The following RAD51B variants were observed in gnomAD, a reference collection of about 807,000 sequenced individuals.
RAD51B encodes the protein RAD51 paralog B.
Under a neutral mutation model 42.2 loss-of-function variants are expected in RAD51B, and 38 were observed. That is an observed-to-expected ratio of 0.90 (90% CI 0.70 to 1.18). RAD51B has a LOEUF of 1.18. Ranked by LOEUF, RAD51B falls within the 50% of genes most tolerant of loss-of-function variation. The pLI, the probability that RAD51B is intolerant of heterozygous loss-of-function variation, is 0.00. For missense variants in RAD51B, 373 were observed against 400.7 expected, an observed-to-expected ratio of 0.93 and a Z score of 0.59; for synonymous variants, 154 against 145.2, an observed-to-expected ratio of 1.06 and a Z score of -0.43.
intron 7 of RAD51B, among the ~76,000 whole-genome samples, chr14:68,037,352 C>T (rs1369736793): frequency 6.6e-6 from 1 of 150,952 alleles, no homozygotes; most frequent in Non-Finnish European, 1.5e-5. Context: ...TCCCGAGTAG[C>T]TGGGATTACA....
intron 8 of RAD51B, among the ~76,000 whole-genome samples, chr14:68,362,793 G>A (rs1015660798): frequency 2.0e-5 from 3 of 151,946 alleles, no homozygotes; most frequent in African/African-American, 7.3e-5. Flanking sequence ...AGGTTGCAGT[G>A]AGCTGAGATT....
intron 11 of RAD51B, among the ~76,000 whole-genome samples, chr14:68,655,130 AGTGTGTGTGT>A (rs3077341): frequency 2.7e-5 from 4 of 150,258 alleles, no homozygotes; most frequent in Non-Finnish European, 5.9e-5. Flanking sequence ...GCAAATGGTG[AGTGTGTGTGT>A]GTGTGTGTGT....
chr14:68,255,977 A>G (rs1046077922), intron 7 of RAD51B, among the ~76,000 whole-genome samples: 5 of 152,214 alleles, frequency 3.3e-5, no homozygotes, highest in African/African-American at 9.7e-5. Flanking sequence ...AAGTTTGCCA[A>G]TCAGATTGCT....
At chr14:67,988,837 A>G (rs993173585) in intron 7 of RAD51B, among the ~76,000 whole-genome samples, 1 of 152,218 alleles carries the variant, frequency 6.6e-6, no homozygotes, top group African/African-American at 2.4e-5. Flanking sequence ...CACTTAGACT[A>G]TTATAATGTG....
intron 5 of RAD51B, among the ~76,000 whole-genome samples, chr14:67,881,369 T>A (rs1451466864): frequency 6.6e-6 from 1 of 152,228 alleles, no homozygotes; most frequent in Admixed American, 6.5e-5. Flanking sequence ...GTGTGGGCAC[T>A]AGGAAGTGTT....
intron 10 of RAD51B, among the ~76,000 whole-genome samples, chr14:68,512,649 G>A (rs1885811727): frequency 6.6e-6 from 1 of 152,044 alleles, no homozygotes; most frequent in Admixed American, 6.6e-5. Context: ...CAAATATTCA[G>A]TGAGCACCCA....
At chr14:68,180,445 A>C (rs1412857993) in intron 7 of RAD51B, among the ~76,000 whole-genome samples, 1 of 152,190 alleles carries the variant, frequency 6.6e-6, no homozygotes, top group African/African-American at 2.4e-5. Context: ...CTTTTTAAGA[A>C]AAGTAGTTGA....
intron 7 of RAD51B, among the ~76,000 whole-genome samples, chr14:68,030,321 A>C (rs929225638): frequency 6.6e-6 from 1 of 152,236 alleles, no homozygotes; most frequent in Non-Finnish European, 1.5e-5. Context: ...TTTTGTTTGC[A>C]TGAAAACTCT....
chr14:67,865,179 T>C, intron 5 of RAD51B, 40 bp downstream of exon 5: 1 of 1,541,544 alleles, frequency 6.5e-7, no homozygotes, highest in Admixed American at 1.8e-5. Flanking sequence ...TTTACTTTTG[T>C]AACTTATATA....
chr14:68,537,590 G>T (rs1400470445), intron 10 of RAD51B, among the ~76,000 whole-genome samples: 2 of 152,026 alleles, frequency 1.3e-5, no homozygotes, highest in Non-Finnish European at 1.5e-5. Flanking sequence ...AGATCAGTGT[G>T]ATAGGAGACC....
intron 7 of RAD51B, among the ~76,000 whole-genome samples, chr14:68,004,355 A>G (rs2075544109): frequency 6.7e-6 from 1 of 149,564 alleles, no homozygotes; most frequent in Non-Finnish European, 1.5e-5. Context: ...AAAAAAAAAA[A>G]GAATATATTG....
chr14:68,196,277 G>T (rs1404327410), intron 7 of RAD51B, among the ~76,000 whole-genome samples: 1 of 152,022 alleles, frequency 6.6e-6, no homozygotes, highest in African/African-American at 2.4e-5. Context: ...TTAATGATGT[G>T]AAATTTACTG....
intron 7 of RAD51B, among the ~76,000 whole-genome samples, chr14:67,920,085 G>A (rs114832333): frequency 0.025 from 3,827 of 152,066 alleles, 105 homozygotes; most frequent in African/African-American, 0.067. Context: ...TATGTATGGT[G>A]CTATCATGTT....
intron 7 of RAD51B, among the ~76,000 whole-genome samples, chr14:67,893,822 A>G (rs1433179013): frequency 6.6e-6 from 1 of 152,148 alleles, no homozygotes; most frequent in Non-Finnish European, 1.5e-5. Context: ...GTTCTCTTCT[A>G]TTTAGTCATC....
intron 8 of RAD51B, among the ~76,000 whole-genome samples, chr14:68,315,634 G>T (rs2082042970): frequency 6.6e-6 from 1 of 151,988 alleles, no homozygotes; most frequent in Non-Finnish European, 1.5e-5. Flanking sequence ...CCATTCTCCT[G>T]CCTCAGCCTC....
At chr14:68,060,916 A>G (rs939156551) in intron 7 of RAD51B, among the ~76,000 whole-genome samples, 10 of 152,040 alleles carry the variant, frequency 6.6e-5, no homozygotes, top group African/African-American at 1.2e-4. Context: ...TGGGTTCTCT[A>G]TTCTCTTGCA....
At chr14:68,657,699 A>C (rs900460331) in intron 11 of RAD51B, among the ~76,000 whole-genome samples, 3 of 152,266 alleles carry the variant, frequency 2.0e-5, no homozygotes, top group South Asian at 4.1e-4. Context: ...GCCTGCAGGC[A>C]GGAAAAGGTT....
intron 7 of RAD51B, among the ~76,000 whole-genome samples, chr14:68,126,562 C>T (rs1162953762): frequency 2.0e-5 from 3 of 152,156 alleles, no homozygotes; most frequent in Non-Finnish European, 4.4e-5. Context: ...GAGATTGCTG[C>T]TGAGCTGGAG....
chr14:68,660,650 G>A (rs1330106321), intron 11 of RAD51B, among the ~76,000 whole-genome samples: 3 of 152,196 alleles, frequency 2.0e-5, no homozygotes, highest in Non-Finnish European at 1.5e-5. Context: ...TCTGTCTCCT[G>A]TTCTGTAAAG....
Sources: gnomAD v4.1 joint callset for allele counts (sites outside exome capture counted in the v4.1 genomes callset) on GRCh38, gnomAD v4.1.1 for gene constraint, MANE v1.5 for transcripts, NCBI Gene and HGNC (gene_info 2026-07-23, HGNC 2026-07-21) for gene names.